ZNF480: variants seen among roughly 807,000 people sequenced by gnomAD.
ZNF480 encodes the protein zinc finger protein 480.
Under a neutral mutation model 14.4 loss-of-function variants are expected in ZNF480, and 15 were observed. That is an observed-to-expected ratio of 1.04 (90% CI 0.70 to 1.60). The LOEUF is 1.60. ZNF480 is among the 40% of genes most tolerant of loss of function. The pLI, the probability that ZNF480 is intolerant of heterozygous loss-of-function variation, is 0.00. For missense variants in ZNF480, 593 were observed against 629.7 expected (o/e 0.94, Z 0.62); for synonymous variants, 218 against 215.5 (o/e 1.01, Z -0.10).
chr19:52,310,276 C>T (rs187308638), intron 2 of ZNF480, among the ~76,000 whole-genome samples: 2,081 of 152,052 alleles, frequency 0.014, 19 homozygotes, highest in Middle Eastern at 0.02. Flanking sequence ...AGGCTGGTCT[C>T]GAACTCCTGA....
At chr19:52,311,004 CAAAAAAAA>C (rs972255252) in intron 2 of ZNF480, among the ~76,000 whole-genome samples, 1 of 59,896 alleles carries the variant, frequency 1.7e-5, no homozygotes, top group African/African-American at 5.6e-5. Context: ...GATTCCGCCT[CAAAAAAAA>C]AAAAAAAAAA....
chr19:52,305,527 T>C (rs778074583), intron 2 of ZNF480, among the ~76,000 whole-genome samples: 8 of 152,148 alleles, frequency 5.3e-5, no homozygotes, highest in Non-Finnish European at 8.8e-5. Context: ...GAAGTAGATA[T>C]AACAATTTAA....
At chr19:52,311,913 A>G (rs958177924) in intron 2 of ZNF480, among the ~76,000 whole-genome samples, 1 of 152,206 alleles carries the variant, frequency 6.6e-6, no homozygotes, top group Non-Finnish European at 1.5e-5. Flanking sequence ...GTGCTAGTGT[A>G]TATGGGTCTA....
Position 52,322,745 on chromosome 19 carries a change from G to T in ZNF480, c.1495G>T (p.Ala499Ser), listed in dbSNP as rs1443607498. Reference sequence around the variant, plus strand: ...GGTCTTCAATCGAATTGCACACCTTGCACGACATCGGAAAATTCATACTGG... The same window carrying T: ...GGTCTTCAATCGAATTGCACACCTTTCACGACATCGGAAAATTCATACTGG... ...GKVFNRIAHL[A>S]RHRKIHTGEK... is the part of the protein sequence containing the mutation. Residue 499 changes from alanine (A) to serine (S), a missense_variant, in exon 5 of 5, where the codon GCA becomes TCA. Ala to Ser is a moderately conservative substitution (Grantham distance 99). Transcript: ENST00000595962. The T allele has an allele frequency of 1.9e-6, 3 of 1,613,820 alleles. No individual in the cohort carries two copies. The Admixed American group carries it at 5.0e-5, about 27-fold the overall frequency.
At chr19:52,314,015 C>A in intron 2 of ZNF480, 138 bp from the exon 3 acceptor site, 1 of 961,522 alleles carries the variant, frequency 1.0e-6, no homozygotes, top group Non-Finnish European at 1.5e-6. Flanking sequence ...AGACACATAA[C>A]TACATCACAG....
rs777407473 is a variant in ZNF480, at chr19:52,321,661, T to A, written c.411T>A (p.Ser137=). 1 of 1,613,996 alleles carries A rather than the reference T, an allele frequency of 6.2e-7. No individual in the cohort carries two copies. Among genetic ancestry groups the A allele is most frequent in the Non-Finnish European group, 8.5e-7 (1 of 1,179,920 alleles). Residue 137 remains serine, a synonymous_variant, in exon 5 of 5, where the codon TCT becomes TCA. Transcript: ENST00000595962. ...QLGVSFHLHL[S]ELELFPDERV... Reference sequence around the variant, plus strand: ...GAGTATCCTTTCACTTACATCTGTCTGAACTGGAGCTATTTCCAGATGAAA... The same window carrying A: ...GAGTATCCTTTCACTTACATCTGTCAGAACTGGAGCTATTTCCAGATGAAA...
rs777186309 is a variant in ZNF480, at chr19:52,300,446, A to C, written c.34A>C (p.Lys12Gln). Residue 12 changes from lysine (K) to glutamine (Q), a missense_variant, in exon 2 of 5, where the codon AAG becomes CAG. Coordinates refer to ENST00000595962, the MANE Select transcript of ZNF480 (RefSeq NM_144684.4). The stretch of plus-strand genomic sequence containing the variant: ...TGATGAAAAAGCCCAGAAGAGAAGG[A>C]AGAGGAAAGCAAAGGAGTCAGGGAT... Reference protein sequence around the residue: ...LCDEKAQKRRKRKAKESGMAL... With the variant: ...LCDEKAQKRRQRKAKESGMAL... 11 of 1,613,510 alleles carry C rather than the reference A, an allele frequency of 6.8e-6. No individual in the cohort carries two copies. The highest frequency in any genetic ancestry group is 9.3e-6 in the Non-Finnish European group (11 of 1,179,814).
At chr19:52,306,615 A>G (rs1357413317) in intron 2 of ZNF480, among the ~76,000 whole-genome samples, 1 of 152,226 alleles carries the variant, frequency 6.6e-6, no homozygotes, top group Non-Finnish European at 1.5e-5. Flanking sequence ...GGAGACAGCA[A>G]CATTCTTTAA....
intron 1 of ZNF480, chr19:52,297,713 A>G (rs1330996057): frequency 6.5e-6 from 1 of 154,590 alleles, no homozygotes; most frequent in Non-Finnish European, 1.4e-5. Context: ...GCTACTCCCC[A>G]GGCCTCCTCT....
At chr19:52,299,829 G>A (rs961172700) in intron 1 of ZNF480, among the ~76,000 whole-genome samples, 2 of 152,194 alleles carry the variant, frequency 1.3e-5, no homozygotes, top group African/African-American at 2.4e-5. Context: ...AAGTAGCTGG[G>A]ATTATAGGTG....
intron 4 of ZNF480, among the ~76,000 whole-genome samples, chr19:52,320,423 C>T (rs1460327226): frequency 1.3e-5 from 2 of 152,126 alleles, no homozygotes. Context: ...GAGGCCAAGG[C>T]AGGAGGATCA....
At chr19:52,308,312 T>C (rs1247811658) in intron 2 of ZNF480, among the ~76,000 whole-genome samples, 2 of 148,760 alleles carry the variant, frequency 1.3e-5, no homozygotes, top group African/African-American at 4.9e-5. Context: ...TTCTTCTTTT[T>C]TTTTTTTTTT....
chr19:52,300,740 T>A, intron 2 of ZNF480: 1 of 581,588 alleles, frequency 1.7e-6, no homozygotes, highest in Non-Finnish European at 3.0e-6. Context: ...AGCTGAGAGC[T>A]GCGAACAGGG....
chr19:52,306,313 A>C (rs564481998), intron 2 of ZNF480, among the ~76,000 whole-genome samples: 23 of 152,230 alleles, frequency 1.5e-4, no homozygotes, highest in Non-Finnish European at 2.6e-4. Flanking sequence ...GCTTGACAGC[A>C]CTTGAAGGGT....
At chr19:52,311,373 TTTC>T (rs1417499022) in intron 2 of ZNF480, among the ~76,000 whole-genome samples, 1 of 152,082 alleles carries the variant, frequency 6.6e-6, no homozygotes, top group Non-Finnish European at 1.5e-5. Context: ...AGATGGGATC[TTTC>T]TATGTTGCCC....
chr19:52,300,284 C>A, intron 1 of ZNF480, 110 bp from the exon 2 acceptor site: 1 of 1,145,590 alleles, frequency 8.7e-7, no homozygotes, highest in Non-Finnish European at 1.2e-6. Context: ...GTGCAGTGGG[C>A]AGCAGAGGAC....
chr19:52,314,083 C>T, intron 2 of ZNF480, 70 bp from the exon 3 acceptor site: 2 of 1,458,288 alleles, frequency 1.4e-6, no homozygotes, highest in Non-Finnish European at 1.9e-6. Context: ...CTTTACAACT[C>T]CCTTCTCATT....
At chr19:52,315,690 T>C in intron 3 of ZNF480, 144 bp from the exon 4 acceptor site, 1 of 915,726 alleles carries the variant, frequency 1.1e-6, no homozygotes, top group Non-Finnish European at 1.6e-6. Flanking sequence ...TAATATTCCC[T>C]AAGCATTCAG....
Position 52,323,120 on chromosome 19 carries a change from G to A in ZNF480, c.*262G>A, listed in dbSNP as rs756809283. ...AAACACAATCAGAAATGACAAAGGG[G>A]ACATTACCACCAACCCCACAGAAAT... On this transcript the variant is annotated 3_prime_UTR_variant, in exon 5 of 5. Coordinates refer to ENST00000595962, the MANE Select transcript of ZNF480 (RefSeq NM_144684.4). 9.3e-6 allele frequency: 3 copies of A among 324,264 alleles called. No individual in the cohort carries two copies. The highest frequency in any genetic ancestry group is 1.7e-5 in the Non-Finnish European group (3 of 178,516). 20.1% of individuals were successfully genotyped at this position (324,264 alleles called of 1,614,324 possible).
Sources: allele counts gnomAD v4.1 joint callset (sites outside exome capture counted in the v4.1 genomes callset), GRCh38; gene constraint gnomAD v4.1.1; transcripts MANE v1.5; gene names NCBI Gene and HGNC (gene_info 2026-07-23, HGNC 2026-07-21).